The following MYO19 variants were observed in gnomAD, a reference collection of about 807,000 sequenced individuals.
The protein encoded by MYO19 is myosin XIX.
Under a neutral mutation model 129.2 loss-of-function variants are expected in MYO19, and 132 were observed. The observed-to-expected ratio is 1.02, with a 90% confidence interval of 0.89 to 1.18. The LOEUF is 1.18. MYO19 is among the 50% of genes most tolerant of loss of function. MYO19 has a pLI of 0.00. For missense variants in MYO19, 1,210 were observed against 1,216.7 expected (o/e 0.99, Z 0.08); for synonymous variants, 531 against 477.2 (o/e 1.11, Z -1.47).
Position 36,526,743 on chromosome 17 carries a change from C to T in MYO19, c.300+808G>A, listed in dbSNP as rs8077727. The stretch of plus-strand genomic sequence containing the variant: ...CTCTACTAAAAATACAAAAATTAGC[C>T]GGGCATGGTGGTGGGCACCTGTAGT... On this transcript the variant is annotated intron_variant, in intron 5 of 25. Coordinates refer to ENST00000614623, the MANE Select transcript of MYO19 (RefSeq NM_001163735.2). Among the ~76,000 whole-genome samples the T allele has an allele frequency of 2.4e-3, 361 of 151,850 alleles. 3 individuals are homozygous for T. The highest frequency in any genetic ancestry group is 8.1e-3 in the African/African-American group (337 of 41,384).
At chr17:36,540,358 T>G (rs960024752) in intron 2 of MYO19, among the ~76,000 whole-genome samples, 1 of 151,642 alleles carries the variant, frequency 6.6e-6, no homozygotes, top group Non-Finnish European at 1.5e-5. Flanking sequence ...TAATGACGTT[T>G]AATATTCTAC....
rs773215671 is a variant in MYO19, at chr17:36,506,964, T to A, written c.1643A>T (p.Lys548Met). 2.5e-4 allele frequency: 405 copies of A among 1,592,588 alleles called. 1 individual carries two copies. The highest frequency in any genetic ancestry group is 3.3e-4 in the Non-Finnish European group (388 of 1,164,442). The change falls in exon 17 of 26, where the codon AAG (lysine) becomes ATG (methionine). Residue 548 changes from lysine (K) to methionine (M), a missense_variant and splice_region_variant. Lys to Met is a moderately conservative substitution (Grantham distance 95). Coordinates refer to ENST00000614623, the MANE Select transcript of MYO19 (RefSeq NM_001163735.2). ...YHTAGLVEKN[K>M]DPIPPELTRL... Reference sequence around the variant, plus strand: ...CACAGGGCATGGCCCAGCCCGTACCTTGTTCTTCTCCACCAGGCCTGCTGT... The same window carrying A: ...CACAGGGCATGGCCCAGCCCGTACCATGTTCTTCTCCACCAGGCCTGCTGT...
chr17:36,511,147 C>G lies in MYO19; in HGVS notation c.985+218G>C, dbSNP rs185638107. 65 of 671,878 alleles carry G rather than the reference C, an allele frequency of 9.7e-5. No homozygotes were observed. In the African/African-American group the frequency reaches 1.1e-3, roughly 12 times the overall value. 41.6% of individuals were successfully genotyped at this position (671,878 alleles called of 1,614,324 possible). The stretch of plus-strand genomic sequence containing the variant: ...GCCATGTATGGGACAAATCACTTTA[C>G]AAACCTCTGACTCATTTTCTCATCT... On this transcript the variant is annotated intron_variant, in intron 12 of 25. Transcript: ENST00000614623.
intron 2 of MYO19, among the ~76,000 whole-genome samples, chr17:36,541,114 A>AT (rs1394973279): frequency 1.3e-5 from 2 of 151,874 alleles, no homozygotes; most frequent in East Asian, 3.9e-4. Flanking sequence ...CACCCGGCTG[A>AT]TTTTTTGTAT....
At chr17:36,511,533 G>A in intron 11 of MYO19, 78 bp from the exon 12 acceptor site, 1 of 1,273,496 alleles carries the variant, frequency 7.9e-7, no homozygotes, top group East Asian at 2.5e-5. Flanking sequence ...GTTCTGCTGA[G>A]TACAATCACG....
At chr17:36,540,946 G>A (rs1330256586) in intron 2 of MYO19, among the ~76,000 whole-genome samples, 1 of 152,100 alleles carries the variant, frequency 6.6e-6, no homozygotes, top group Non-Finnish European at 1.5e-5. Flanking sequence ...AATCTGTCCA[G>A]GACCTCAGCC....
At chr17:36,540,110 G>A (rs1028030056) in intron 2 of MYO19, among the ~76,000 whole-genome samples, 4 of 151,962 alleles carry the variant, frequency 2.6e-5, no homozygotes, top group African/African-American at 9.7e-5. Flanking sequence ...GGCAGGCAGG[G>A]GCCACATCAG....
chr17:36,527,732 T>C (rs1435889021), intron 4 of MYO19, 33 bp from the exon 5 acceptor site: 1 of 1,590,472 alleles, frequency 6.3e-7, no homozygotes, highest in East Asian at 2.2e-5. Flanking sequence ...AAACTCGGGC[T>C]CAAATATAGT....
chr17:36,504,951 T>G, intron 19 of MYO19: 2 of 324,420 alleles, frequency 6.2e-6, no homozygotes, highest in East Asian at 6.6e-5. Flanking sequence ...ATACCTCCAG[T>G]GAGAAATGGC....
At position 36,512,700 on chromosome 17, in the gene MYO19, T is replaced by C. The variant is rs565457403; in HGVS notation, c.894+729A>G. ...GCCCCCATCTGGAGGTGAGGGTCAC[T>C]TTCCACTGCATTGCTACCTCCCTGA... On this transcript the variant is annotated intron_variant, in intron 11 of 25. Coordinates refer to ENST00000614623, the MANE Select transcript of MYO19 (RefSeq NM_001163735.2). The C allele has an allele frequency of 9.3e-6, 12 of 1,289,186 alleles. No individual in the cohort carries two copies. The East Asian group carries it at 6.7e-4, about 72-fold the overall frequency. The allele number at this position is 1,289,186 out of a possible 1,614,324, so 79.9% of individuals were successfully genotyped here. A position where few individuals can be genotyped will look rare whatever the true frequency, so the allele number is the denominator to read the frequency against.
intron 7 of MYO19, among the ~76,000 whole-genome samples, 158 bp from the exon 8 acceptor site, chr17:36,515,340 G>T (rs1475930110): frequency 1.3e-5 from 2 of 152,156 alleles, no homozygotes; most frequent in Non-Finnish European, 2.9e-5. Flanking sequence ...CTAGAAAATG[G>T]GCCCTCATGC....
At chr17:36,527,520 CCT>C in intron 5 of MYO19, 29 bp downstream of exon 5, 2 of 1,606,380 alleles carry the variant, frequency 1.2e-6, no homozygotes, top group East Asian at 2.2e-5. Flanking sequence ...GTAGAGGAGC[CCT>C]GAGGCCACAG....
intron 3 of MYO19, among the ~76,000 whole-genome samples, chr17:36,528,673 G>C (rs1289528674): frequency 1.3e-5 from 2 of 152,138 alleles, no homozygotes; most frequent in Admixed American, 1.3e-4. Context: ...CTGTGAGCCT[G>C]GGTAAGTTAC....
At position 36,506,464 on chromosome 17, in the gene MYO19, T is replaced by TG. The variant is rs1262654917; in HGVS notation, c.1788dup (p.Lys597GlnfsTer98). ...CAGCACATCAGACCCACCTTGAACT[T>TG]GGACACCACGGTCAACACAGGGGCC... is the stretch of plus-strand genomic sequence containing the variant. On this transcript the variant is annotated frameshift_variant, in exon 18 of 26. Transcript: ENST00000614623. LOFTEE classifies it high-confidence loss of function. The TG allele has an allele frequency of 6.2e-7, 1 of 1,613,858 alleles. No individual in the cohort carries two copies. The highest frequency in any genetic ancestry group is 8.5e-7 in the Non-Finnish European group (1 of 1,179,836).
Position 36,513,405 on chromosome 17 carries a change from A to C in MYO19, c.894+24T>G, listed in dbSNP as rs578009644. ...GCTGCCCGTCATCTCTGCCAAACTT[A>C]AGTGGCGTGGCTTTTCTTCTGACCT... On this transcript the variant is annotated intron_variant, in intron 11 of 25. Transcript: ENST00000614623. 2.5e-6 allele frequency: 4 copies of C among 1,613,978 alleles called. No homozygotes were observed. The African/African-American group carries it at 4.0e-5, about 16-fold the overall frequency.
At chr17:36,537,895 C>T (rs746256488), upstream of MYO19, 13 of 1,613,842 alleles carry the variant, frequency 8.1e-6, no homozygotes, top group African/African-American at 2.7e-5. Context: ...TGGATTATTG[C>T]CCTCGGCATT....
intron 8 of MYO19, among the ~76,000 whole-genome samples, 152 bp downstream of exon 8, chr17:36,514,961 T>C (rs547938449): frequency 6.6e-6 from 1 of 152,232 alleles, no homozygotes; most frequent in South Asian, 2.1e-4. Flanking sequence ...GGTGCAAAGA[T>C]CACCCTCAGA....
intron 6 of MYO19, 78 bp downstream of exon 6, chr17:36,525,150 A>C: frequency 3.8e-6 from 4 of 1,053,080 alleles, no homozygotes; most frequent in Non-Finnish European, 5.8e-6. Flanking sequence ...CTCCACAAGG[A>C]AGGCCAAGGA....
chr17:36,544,677 G>C (rs2074227993), upstream of MYO19, among the ~76,000 whole-genome samples: 1 of 152,184 alleles, frequency 6.6e-6, no homozygotes, highest in African/African-American at 2.4e-5. Context: ...GCTGGGGCCT[G>C]AGGTTGGGCC....
Sources: allele counts gnomAD v4.1 joint callset (sites outside exome capture counted in the v4.1 genomes callset), GRCh38; gene constraint gnomAD v4.1.1; transcripts MANE v1.5; gene names NCBI Gene and HGNC (gene_info 2026-07-23, HGNC 2026-07-21).